FCAMR: variants seen among roughly 807,000 people sequenced by gnomAD.
FCAMR encodes high affinity immunoglobulin alpha and immunoglobulin mu Fc receptor.
FCAMR carries 51 observed loss-of-function variants against 52.2 expected under a neutral mutation model. The ratio of observed to expected loss-of-function variants is 0.98; its 90% confidence interval spans 0.78 to 1.23. The LOEUF is 1.23. FCAMR is among the 50% of genes most tolerant of loss of function. FCAMR has a pLI of 0.00. For missense variants in FCAMR, 719 were observed against 712.6 expected, an observed-to-expected ratio of 1.01 and a Z score of -0.10; for synonymous variants, 282 against 262.0, an observed-to-expected ratio of 1.08 and a Z score of -0.74.
In FCAMR at chr1:206,960,497, CCT is replaced by C. The variant is rs1259404715; in HGVS notation, c.1377_1378del (p.Gly460SerfsTer31). 5 of 1,550,384 alleles carry C rather than the reference CCT, an allele frequency of 3.2e-6. No homozygotes were observed. The highest frequency in any genetic ancestry group is 4.4e-6 in the Non-Finnish European group (5 of 1,146,508). On this transcript the variant is annotated frameshift_variant, in exon 6 of 8. Transcript: ENST00000324852. LOFTEE classifies it high-confidence loss of function. Reference sequence around the variant, plus strand: ...GGTCTGGCTCAGTGTTGCTTGGGGACCTCTGTCTCCAGTGGCAGCATCTAGGT... The same window carrying C: ...GGTCTGGCTCAGTGTTGCTTGGGGACCTGTCTCCAGTGGCAGCATCTAGGT...
intron 7 of FCAMR, chr1:206,959,062 A>T (rs1680384146): frequency 1.2e-5 from 5 of 431,270 alleles, no homozygotes; most frequent in South Asian, 9.2e-5. Context: ...CTCTGCTGTG[A>T]GGGTTGCTTA....
At chr1:206,969,585 G>A (rs1293653003) in intron 1 of FCAMR, among the ~76,000 whole-genome samples, 1 of 152,200 alleles carries the variant, frequency 6.6e-6, no homozygotes, top group African/African-American at 2.4e-5. Flanking sequence ...AGCACAGGCT[G>A]CTTGCTGCAT....
Position 206,970,139 on chromosome 1 carries a change from C to A in FCAMR, c.-14G>T, listed in dbSNP as rs1381123958. ...CTCTCCATCCATCTCAGTCCAGAAA[C>A]AAGATCCAGGTGGACTTTTCTTCTC... On this transcript the variant is annotated 5_prime_UTR_variant, in exon 1 of 8. Coordinates refer to ENST00000324852, the MANE Select transcript of FCAMR (RefSeq NM_001170631.2). 4 of 1,613,852 alleles carry A rather than the reference C, an allele frequency of 2.5e-6. No homozygotes were observed. The highest frequency in any genetic ancestry group is 1.6e-4 in the Middle Eastern group (1 of 6,080).
intron 4 of FCAMR, 53 bp from the exon 5 acceptor site, chr1:206,962,604 T>A: frequency 7.0e-7 from 1 of 1,422,514 alleles, no homozygotes; most frequent in South Asian, 1.5e-5. Context: ...ATAGTCACTG[T>A]TTGGGGACTC....
chr1:206,964,169 C>T (rs1572664498), intron 4 of FCAMR, among the ~76,000 whole-genome samples: 1 of 152,202 alleles, frequency 6.6e-6, no homozygotes, highest in South Asian at 2.1e-4. Context: ...ACAAAGCCCT[C>T]ACAGTGAGCT....
chr1:206,968,000 A>T (rs61815028), intron 1 of FCAMR, among the ~76,000 whole-genome samples: 9 of 152,224 alleles, frequency 5.9e-5, no homozygotes, highest in Non-Finnish European at 1.3e-4. Context: ...AATGGACACC[A>T]TACTGATCAC....
In FCAMR at chr1:206,962,489, G is replaced by A. The variant is rs1344581313; in HGVS notation, c.376C>T (p.Gln126Ter). 12 of 1,607,798 alleles carry A rather than the reference G, an allele frequency of 7.5e-6. No individual in the cohort carries two copies. The highest frequency in any genetic ancestry group is 1.0e-5 in the Non-Finnish European group (12 of 1,174,880). The change falls in exon 5 of 8, where the codon CAG becomes TAG. Residue 126 changes from glutamine (Q) to a stop codon, truncating the protein, a stop_gained. Transcript: ENST00000324852. LOFTEE classifies it high-confidence loss of function. ...SGEPGGAVTI[Q>*]CHYAPSSVNR... ...ACAGATGAGGGGGCATAATGGCACT[G>A]GATGGTGACAGCTCCTCCAGGCTCC...
Position 206,958,595 on chromosome 1 carries a change from A to G in FCAMR, c.1655T>C (p.Val552Ala), listed in dbSNP as rs899051250. 8 of 1,613,878 alleles carry G rather than the reference A, an allele frequency of 5.0e-6. No individual in the cohort carries two copies. Among genetic ancestry groups the G allele is most frequent in the Middle Eastern group, 3.4e-4 (2 of 5,852 alleles). Residue 552 changes from valine to alanine, a missense_variant, in exon 8 of 8, where the codon GTG becomes GCG. By Grantham distance (64) the Val-to-Ala change is moderately conservative. Coordinates refer to ENST00000324852, the MANE Select transcript of FCAMR (RefSeq NM_001170631.2). ...GTCATCCTGGAGCATCTTTCTTTCC[A>G]CATGGGGCAGCTGGTCTGCTTGGGG... is the stretch of plus-strand genomic sequence containing the variant. Reference protein sequence around the residue: ...VNPQADQLPHVERKMLQDDSL... With the variant: ...VNPQADQLPHAERKMLQDDSL...
intron 4 of FCAMR, among the ~76,000 whole-genome samples, chr1:206,964,385 A>G (rs2102623755): frequency 6.6e-6 from 1 of 151,970 alleles, no homozygotes; most frequent in Non-Finnish European, 1.5e-5. Flanking sequence ...AATATCCTTG[A>G]TTTGGTTTGG....
intron 1 of FCAMR, among the ~76,000 whole-genome samples, chr1:206,968,640 T>G (rs1446301398): frequency 6.6e-6 from 1 of 152,052 alleles, no homozygotes; most frequent in African/African-American, 2.4e-5. Context: ...CTGGCCAGTT[T>G]GTGACACAGG....
chr1:206,966,754 T>C (rs1680725635), intron 3 of FCAMR, among the ~76,000 whole-genome samples: 1 of 152,254 alleles, frequency 6.6e-6, no homozygotes, highest in Non-Finnish European at 1.5e-5. Flanking sequence ...TTTTTTGGTA[T>C]TATGATGGAA....
Position 206,961,176 on chromosome 1 carries a change from T to C in FCAMR, c.700A>G (p.Thr234Ala). The part of the protein sequence containing the change: ...PTATPAAGEL[T>A]MRSYGTASPV... ...GACGCTGTTCCATAGGATCTCATGG[T>C]GAGCTCCCCAGCAGCTGGAGTGGCT... Residue 234 changes from threonine (T) to alanine (A), a missense_variant, in exon 6 of 8, where the codon ACC becomes GCC. Thr to Ala is a moderately conservative substitution (Grantham distance 58, BLOSUM62 0). Coordinates refer to ENST00000324852, the MANE Select transcript of FCAMR (RefSeq NM_001170631.2). 1.3e-6 allele frequency: 2 copies of C among 1,551,432 alleles called. No individual in the cohort carries two copies. The highest frequency in any genetic ancestry group is 1.7e-6 in the Non-Finnish European group (2 of 1,146,904).
chr1:206,969,639 C>G (rs1680857790), intron 1 of FCAMR, among the ~76,000 whole-genome samples: 1 of 152,184 alleles, frequency 6.6e-6, no homozygotes, highest in Non-Finnish European at 1.5e-5. Flanking sequence ...CAGTTCACTC[C>G]TATCCCCTCC....
chr1:206,969,554 C>T (rs1469225273), intron 1 of FCAMR, among the ~76,000 whole-genome samples: 1 of 152,220 alleles, frequency 6.6e-6, no homozygotes, highest in African/African-American at 2.4e-5. Context: ...CTGGGAAGGG[C>T]ATGCACCTCA....
Position 206,960,486 on chromosome 1 carries a change from T to C in FCAMR, c.1390A>G (p.Thr464Ala), listed in dbSNP as rs1294289614. Residue 464 changes from threonine (T) to alanine (A), a missense_variant, in exon 6 of 8, where the codon ACA becomes GCA. Coordinates refer to ENST00000324852, the MANE Select transcript of FCAMR (RefSeq NM_001170631.2). Reference sequence around the variant, plus strand: ...CCTACTGCCGGGGTCTGGCTCAGTGTTGCTTGGGGACCTCTGTCTCCAGTG... The same window carrying C: ...CCTACTGCCGGGGTCTGGCTCAGTGCTGCTTGGGGACCTCTGTCTCCAGTG... ...AATGDRGPQA[T>A]LSQTPAVGPW... 1 of 1,549,112 alleles carries C rather than the reference T, an allele frequency of 6.5e-7. No individual in the cohort carries two copies. Among genetic ancestry groups the C allele is most frequent in the Non-Finnish European group, 8.7e-7 (1 of 1,145,828 alleles).
chr1:206,967,557 CA>C, intron 2 of FCAMR, 25 bp downstream of exon 2: 1 of 1,611,408 alleles, frequency 6.2e-7, no homozygotes, highest in East Asian at 2.2e-5. Flanking sequence ...AAGGAATCTG[CA>C]AGGGGTTGTT....
intron 5 of FCAMR, among the ~76,000 whole-genome samples, chr1:206,961,602 G>A (rs758876024): frequency 1.3e-5 from 2 of 152,240 alleles, no homozygotes; most frequent in Non-Finnish European, 2.9e-5. Flanking sequence ...TGCAGCAGGC[G>A]GCTGGAGAGC....
In FCAMR at chr1:206,958,599, G is replaced by A; in HGVS notation, c.1651C>T (p.His551Tyr). 1 of 1,613,922 alleles carries A rather than the reference G, an allele frequency of 6.2e-7. No individual in the cohort carries two copies. The highest frequency in any genetic ancestry group is 8.5e-7 in the Non-Finnish European group (1 of 1,180,018). Residue 551 changes from histidine (H) to tyrosine (Y), a missense_variant, in exon 8 of 8, where the codon CAT (histidine) becomes TAT (tyrosine). Coordinates refer to ENST00000324852, the MANE Select transcript of FCAMR (RefSeq NM_001170631.2). ...EVNPQADQLP[H>Y]VERKMLQDDS... ...TCCTGGAGCATCTTTCTTTCCACAT[G>A]GGGCAGCTGGTCTGCTTGGGGGTTC...
At chr1:206,963,537 T>C (rs1680589503) in intron 4 of FCAMR, among the ~76,000 whole-genome samples, 1 of 152,252 alleles carries the variant, frequency 6.6e-6, no homozygotes, top group Non-Finnish European at 1.5e-5. Context: ...TCTAAACTTA[T>C]ACATCCAGTC....
Sources: gnomAD v4.1 joint callset for allele counts (sites outside exome capture counted in the v4.1 genomes callset) on GRCh38, gnomAD v4.1.1 for gene constraint, MANE v1.5 for transcripts, NCBI Gene and HGNC (gene_info 2026-07-23, HGNC 2026-07-21) for gene names.